APBA1: variants seen among roughly 807,000 people sequenced by gnomAD.
APBA1 encodes amyloid beta precursor protein binding family A member 1, also known as amyloid-beta A4 precursor protein-binding family A member 1.
APBA1 carries 55 observed loss-of-function variants against 86.6 expected under a neutral mutation model. That is an observed-to-expected ratio of 0.64 (90% confidence interval 0.51 to 0.80). The LOEUF (loss-of-function observed/expected upper bound fraction) is 0.80, where lower values mean the gene tolerates loss of function less well. Among genes scored for constraint, APBA1 ranks in the 30% least tolerant of loss-of-function variants. The probability of loss-of-function intolerance (pLI) is 0.00; values close to 1 mark genes in which losing one functional copy is unlikely to be tolerated. For synonymous variants in APBA1, 511 were observed against 493.9 expected (o/e 1.03, Z -0.46); for missense variants, 1,090 against 1,183.0 (o/e 0.92, Z 1.15).
At chr9:69,605,203 T>C (rs1420738895) in intron 1 of APBA1, among the ~76,000 whole-genome samples, 6 of 152,176 alleles carry the variant, frequency 3.9e-5, no homozygotes, top group African/African-American at 1.4e-4. Context: ...ATTTTACCCC[T>C]GTAGAGAATT....
chr9:69,661,474 C>T (rs1269388252), intron 1 of APBA1, among the ~76,000 whole-genome samples: 1 of 152,218 alleles, frequency 6.6e-6, no homozygotes, highest in African/African-American at 2.4e-5. Flanking sequence ...TCAGACCAAC[C>T]TGGAGACTTG....
intron 1 of APBA1, among the ~76,000 whole-genome samples, chr9:69,625,741 A>G (rs964243259): frequency 7.2e-5 from 11 of 152,190 alleles, no homozygotes; most frequent in Non-Finnish European, 1.5e-4. Context: ...TTAGAAAAGC[A>G]TTACTAAAAT....
At chr9:69,631,043 C>T (rs1286103694) in intron 1 of APBA1, among the ~76,000 whole-genome samples, 2 of 152,186 alleles carry the variant, frequency 1.3e-5, no homozygotes, top group African/African-American at 4.8e-5. Flanking sequence ...TAACAGCAGC[C>T]TTGCAAGACT....
chr9:69,594,600 A>G lies in APBA1; in HGVS notation c.-69-77321T>C, dbSNP rs1195264079. 2.6e-5 allele frequency among the ~76,000 whole-genome samples: 4 copies of G among 152,192 alleles called. No homozygotes were observed. The East Asian group carries it at 7.7e-4, about 29-fold the overall frequency. ...TGTGGTGAATATAATATTCTTGGGT[A>G]CAACATGATTATATGATTATGATTG... On this transcript the variant is annotated intron_variant, in intron 1 of 12. Transcript: ENST00000265381.
chr9:69,526,014 T>C (rs1414197448), intron 1 of APBA1, among the ~76,000 whole-genome samples: 1 of 152,154 alleles, frequency 6.6e-6, no homozygotes, highest in Non-Finnish European at 1.5e-5. Flanking sequence ...TGCCTAGTGA[T>C]ATGCAGAAGA....
In APBA1 at chr9:69,491,569, A is replaced by G. The variant is rs547848713; in HGVS notation, c.1201-15426T>C. The stretch of plus-strand genomic sequence containing the variant: ...GTATACATATGTAACAAACCTGCAC[A>G]TTGTGCACATGTACCCTAGAACTTA... On this transcript the variant is annotated intron_variant, in intron 2 of 12. Transcript: ENST00000265381. Among the ~76,000 whole-genome samples the G allele has an allele frequency of 3.3e-5, 5 of 151,442 alleles. No individual in the cohort carries two copies. In the South Asian group the frequency reaches 6.3e-4, roughly 19 times the overall value.
At chr9:69,462,062 A>G (rs1835200533) in intron 5 of APBA1, 1 of 152,262 alleles carries the variant, frequency 6.6e-6, no homozygotes, top group African/African-American at 2.4e-5. Flanking sequence ...AGATGAATAT[A>G]TGAATATTTG....
chr9:69,525,868 C>T (rs1292399511), intron 1 of APBA1, among the ~76,000 whole-genome samples: 2 of 151,988 alleles, frequency 1.3e-5, no homozygotes, highest in East Asian at 3.9e-4. Context: ...CAAAAACAGA[C>T]ACATAGAGGA....
At chr9:69,653,558 A>C (rs1022439539) in intron 1 of APBA1, among the ~76,000 whole-genome samples, 2 of 152,250 alleles carry the variant, frequency 1.3e-5, no homozygotes, top group African/African-American at 4.8e-5. Flanking sequence ...CCACATGTTA[A>C]GTCACAAAAC....
intron 1 of APBA1, among the ~76,000 whole-genome samples, chr9:69,595,765 A>G (rs1822214941): frequency 6.6e-6 from 1 of 152,198 alleles, no homozygotes; most frequent in African/African-American, 2.4e-5. Flanking sequence ...AGGGAACTCA[A>G]CAATTATCCT....
At chr9:69,574,546 G>A (rs1300300655) in intron 1 of APBA1, among the ~76,000 whole-genome samples, 1 of 152,166 alleles carries the variant, frequency 6.6e-6, no homozygotes, top group East Asian at 1.9e-4. Context: ...GAACTCTGGA[G>A]AAAGAGATCC....
intron 2 of APBA1, among the ~76,000 whole-genome samples, chr9:69,491,456 G>A (rs1184211234): frequency 2.0e-5 from 3 of 151,966 alleles, no homozygotes; most frequent in Admixed American, 1.3e-4. Context: ...GGCCTGTCAT[G>A]GGGTGGGGGG....
chr9:69,463,843 G>C (rs1457024037), intron 5 of APBA1: 1 of 152,184 alleles, frequency 6.6e-6, no homozygotes, highest in African/African-American at 2.4e-5. Context: ...AATCAGATTG[G>C]GGTTAAGGAC....
At position 69,452,553 on chromosome 9, in the gene APBA1, G is replaced by T. The variant is rs1417232694; in HGVS notation, c.1789-252C>A. Reference sequence around the variant, plus strand: ...CGGCATTCAGCAGACAGGAGTCAGAGATGCTGAATATCCTGCCATGCAAAA... The same window carrying T: ...CGGCATTCAGCAGACAGGAGTCAGATATGCTGAATATCCTGCCATGCAAAA... On this transcript the variant is annotated intron_variant, in intron 8 of 12. Transcript: ENST00000265381. Among the ~76,000 whole-genome samples the T allele has an allele frequency of 2.6e-5, 4 of 152,342 alleles. No individual in the cohort carries two copies. In the South Asian group the frequency reaches 8.3e-4, roughly 32 times the overall value.
At chr9:69,646,492 G>GTTTC (rs1236413493) in intron 1 of APBA1, among the ~76,000 whole-genome samples, 1 of 152,072 alleles carries the variant, frequency 6.6e-6, no homozygotes, top group African/African-American at 2.4e-5. Flanking sequence ...AACACTCCAG[G>GTTTC]TTTCTCTACT....
intron 1 of APBA1, among the ~76,000 whole-genome samples, chr9:69,652,677 A>T (rs1823530136): frequency 6.6e-6 from 1 of 152,202 alleles, no homozygotes; most frequent in Admixed American, 6.5e-5. Flanking sequence ...AAAGACATAG[A>T]GTGGCTGAAT....
intron 1 of APBA1, among the ~76,000 whole-genome samples, chr9:69,618,581 C>T (rs1190839642): frequency 6.6e-6 from 1 of 152,176 alleles, no homozygotes; most frequent in African/African-American, 2.4e-5. Flanking sequence ...TCATACTCAA[C>T]CAAGGCTGAT....
chr9:69,536,339 T>C (rs910076957), intron 1 of APBA1, among the ~76,000 whole-genome samples: 1 of 151,846 alleles, frequency 6.6e-6, no homozygotes, highest in African/African-American at 2.4e-5. Context: ...CTAGGGAGAA[T>C]GGTGTAATGA....
At chr9:69,509,095 C>T (rs1425737558) in intron 2 of APBA1, among the ~76,000 whole-genome samples, 1 of 149,650 alleles carries the variant, frequency 6.7e-6, no homozygotes, top group African/African-American at 2.5e-5. Flanking sequence ...GAAATAGAGA[C>T]ACAAAAAACC....
Sources: gnomAD v4.1 joint callset for allele counts (sites outside exome capture counted in the v4.1 genomes callset) on GRCh38, gnomAD v4.1.1 for gene constraint, MANE v1.5 for transcripts, NCBI Gene and HGNC (gene_info 2026-07-23, HGNC 2026-07-21) for gene names.